The following PTGES variants were observed in gnomAD, a reference collection of about 807,000 sequenced individuals.
PTGES encodes prostaglandin E synthase, also known as MGST1-like 1.
A neutral mutation model predicts 11.8 loss-of-function variants in PTGES; 3 were observed. That is an observed-to-expected ratio of 0.25 (90% CI 0.12 to 0.66). The LOEUF is 0.66. Ranked by LOEUF, PTGES falls within the 30% of genes least tolerant of loss-of-function variation. The pLI, the probability that PTGES is intolerant of heterozygous loss-of-function variation, is 0.82. For synonymous variants in PTGES, 94 were observed against 90.4 expected (o/e 1.04, Z -0.22); for missense variants, 180 against 213.0 (o/e 0.85, Z 0.96).
Position 129,739,724 on chromosome 9 carries a change from C to A in PTGES, c.346G>T (p.Ala116Ser). ...FLVGRVAHTV[A>S]YLGKLRAPIR... ...GGTGCCCGCAGCTTCCCCAGGTAGG[C>A]CACGGTGTGTGCCACACGGCCCACG... The change falls in exon 3 of 3, where the codon GCC (alanine) becomes TCC (serine). Residue 116 changes from alanine (A) to serine (S), a missense_variant. Physicochemically the swap from Ala to Ser is moderately conservative, Grantham distance 99. Transcript: ENST00000340607. This position sits in a 1 kb window ranked among gnomAD's most constrained non-coding sequence, Gnocchi z 5.7. 6.3e-7 allele frequency: 1 copy of A among 1,578,712 alleles called. No homozygotes were observed. The highest frequency in any genetic ancestry group is 2.3e-5 in the East Asian group (1 of 43,088).
At chr9:129,748,937 T>C (rs1435096088) in intron 1 of PTGES, among the ~76,000 whole-genome samples, 200 bp from the exon 2 acceptor site, 1 of 152,156 alleles carries the variant, frequency 6.6e-6, no homozygotes, top group Non-Finnish European at 1.5e-5. Flanking sequence ...GTCTCTGCTT[T>C]TATGAAGCTC....
chr9:129,752,467 T>C (rs971011725), intron 1 of PTGES, among the ~76,000 whole-genome samples: 1 of 151,984 alleles, frequency 6.6e-6, no homozygotes, highest in Non-Finnish European at 1.5e-5. Flanking sequence ...TTGCCAGGAG[T>C]TGGGAATTTC....
rs1833037547 is a variant in PTGES at position 129,745,005 on chromosome 9, G to A, written c.209+3650C>T. Among the ~76,000 whole-genome samples the A allele has an allele frequency of 6.6e-6, 1 of 152,078 alleles. No homozygotes were observed. The highest frequency in any genetic ancestry group is 6.6e-5 in the Admixed American group (1 of 15,264). On this transcript the variant is annotated intron_variant, in intron 2 of 2. Transcript: ENST00000340607. This position sits in a 1 kb window ranked among gnomAD's most constrained non-coding sequence, Gnocchi z 4.2. ...CTCAGGCAAATCTCTCTCACTCTCTGGGACTGCGTTCACTATGTACAAAAT... is the reference window on the plus strand; with the variant it reads ...CTCAGGCAAATCTCTCTCACTCTCTAGGACTGCGTTCACTATGTACAAAAT...
In PTGES at chr9:129,748,693, C is replaced by A; in HGVS notation, c.171G>T (p.Gln57His). The A allele has an allele frequency of 1.3e-6, 2 of 1,587,336 alleles. No individual in the cohort carries two copies. The highest frequency in any genetic ancestry group is 1.7e-6 in the Non-Finnish European group (2 of 1,170,376). The change falls in exon 2 of 3, where the codon CAG becomes CAT. Residue 57 changes from glutamine to histidine, a missense_variant. Physicochemically the swap from Gln to His is conservative, Grantham distance 24. Coordinates refer to ENST00000340607, the MANE Select transcript of PTGES (RefSeq NM_004878.5). ...PEDALRHGGP[Q>H]YCRSDPDVER... is the part of the protein sequence containing the mutation. ...CCACGTCGGGGTCGCTCCTGCAATA[C>A]TGGGGGCCTCCGTGTCTCAGGGCAT...
At chr9:129,750,496 G>A (rs16931445) in intron 1 of PTGES, among the ~76,000 whole-genome samples, 3,607 of 152,276 alleles carry the variant, frequency 0.024, 150 homozygotes, top group African/African-American at 0.081. Flanking sequence ...ACTGCCTTTA[G>A]GAGTCCACTG....
chr9:129,752,645 A>T (rs1216727788), intron 1 of PTGES, among the ~76,000 whole-genome samples: 1 of 152,200 alleles, frequency 6.6e-6, no homozygotes, highest in Non-Finnish European at 1.5e-5. Flanking sequence ...GGCTCTCTCC[A>T]TGCCAAGAAC....
intron 2 of PTGES, among the ~76,000 whole-genome samples, chr9:129,742,133 C>G (rs1485024712): frequency 6.6e-6 from 1 of 151,132 alleles, no homozygotes; most frequent in Admixed American, 6.6e-5. Flanking sequence ...ACCTGGCCAA[C>G]ATGGCAAAAT....
At chr9:129,751,407 G>A (rs1406043833) in intron 1 of PTGES, among the ~76,000 whole-genome samples, 1 of 151,662 alleles carries the variant, frequency 6.6e-6, no homozygotes, top group Non-Finnish European at 1.5e-5. Context: ...AGCCAGGTGC[G>A]GTGGCTCACG....
Position 129,748,701 on chromosome 9 carries a change from C to T in PTGES, c.163G>A (p.Gly55Ser), listed in dbSNP as rs1250858987. 1 of 1,588,054 alleles carries T rather than the reference C, an allele frequency of 6.3e-7. No individual in the cohort carries two copies. Among genetic ancestry groups the T allele is most frequent in the East Asian group, 2.4e-5 (1 of 42,484 alleles). ...ANPEDALRHG[G>S]PQYCRSDPDV... The stretch of plus-strand genomic sequence containing the variant: ...GGGTCGCTCCTGCAATACTGGGGGC[C>T]TCCGTGTCTCAGGGCATCCTCGGGG... Residue 55 changes from glycine to serine, a missense_variant, in exon 2 of 3, where the codon GGC becomes AGC. Transcript: ENST00000340607.
chr9:129,743,269 A>C (rs1833017575), intron 2 of PTGES, among the ~76,000 whole-genome samples: 1 of 152,206 alleles, frequency 6.6e-6, no homozygotes, highest in South Asian at 2.1e-4. Flanking sequence ...CGCAGTGGCC[A>C]GGGACAGGGA....
intron 2 of PTGES, among the ~76,000 whole-genome samples, chr9:129,743,127 G>A (rs1481528575): frequency 1.3e-5 from 2 of 152,220 alleles, no homozygotes; most frequent in Non-Finnish European, 2.9e-5. Context: ...TCCAGCCATT[G>A]GGCAGCAATT....
chr9:129,741,600 G>T (rs1040714830), intron 2 of PTGES, among the ~76,000 whole-genome samples: 8 of 152,182 alleles, frequency 5.3e-5, no homozygotes, highest in Non-Finnish European at 7.3e-5. Flanking sequence ...AGATCCTGGG[G>T]TACTGCCCTC....
chr9:129,746,727 C>G (rs113931867), intron 2 of PTGES, among the ~76,000 whole-genome samples: 2 of 152,178 alleles, frequency 1.3e-5, no homozygotes, highest in Admixed American at 1.3e-4. Flanking sequence ...GTCCAGCTCT[C>G]CGTCCTCCCC....
At chr9:129,749,323 C>T (rs1833079538) in intron 1 of PTGES, among the ~76,000 whole-genome samples, 1 of 151,974 alleles carries the variant, frequency 6.6e-6, no homozygotes, top group African/African-American at 2.4e-5. Context: ...TTGAGACCAA[C>T]CCGGGCAACA....
rs1833044132 is a variant in PTGES at position 129,745,817 on chromosome 9, G to A, written c.209+2838C>T. On this transcript the variant is annotated intron_variant, in intron 2 of 2. Transcript: ENST00000340607. This position sits in a 1 kb window ranked among gnomAD's most constrained non-coding sequence, Gnocchi z 4.2. ...GCCCGAGGCAGGTGGATCACCTGAG[G>A]TCAGGAGTTTGAGACCAGCCTGGCC... Among the ~76,000 whole-genome samples the A allele has an allele frequency of 6.6e-6, 1 of 152,092 alleles. No homozygotes were observed. The highest frequency in any genetic ancestry group is 2.4e-5 in the African/African-American group (1 of 41,390).
intron 2 of PTGES, among the ~76,000 whole-genome samples, chr9:129,742,340 A>C (rs1370873749): frequency 2.7e-5 from 4 of 150,564 alleles, no homozygotes; most frequent in Non-Finnish European, 5.9e-5. Flanking sequence ...AAAAAAAAAA[A>C]AAAAAAAAAA....
intron 1 of PTGES, chr9:129,749,751 A>G (rs1008272453): frequency 6.6e-6 from 1 of 152,432 alleles, no homozygotes; most frequent in Non-Finnish European, 1.5e-5. Context: ...AAGGGACAGC[A>G]CGTGCAAAGG....
At chr9:129,744,965 T>G (rs919778618) in intron 2 of PTGES, among the ~76,000 whole-genome samples, 1 of 152,102 alleles carries the variant, frequency 6.6e-6, no homozygotes, top group Non-Finnish European at 1.5e-5. Context: ...CTGTGGTGCT[T>G]ATTAGCTCCA....
chr9:129,745,197 C>T lies in PTGES; in HGVS notation c.209+3458G>A, dbSNP rs148158524. ...TTTGGGACCACACAGGTAACCCCTC[C>T]GTGCAGTTCCACACACCCAACCTCA... On this transcript the variant is annotated intron_variant, in intron 2 of 2. Transcript: ENST00000340607. This position sits in a 1 kb window ranked among gnomAD's most constrained non-coding sequence, Gnocchi z 4.2. Among the ~76,000 whole-genome samples the T allele has an allele frequency of 2.6e-5, 4 of 152,314 alleles. No individual in the cohort carries two copies. Among genetic ancestry groups the T allele is most frequent in the African/African-American group, 7.2e-5 (3 of 41,568 alleles).
Sources: allele counts gnomAD v4.1 joint callset (sites outside exome capture counted in the v4.1 genomes callset), GRCh38; gene constraint gnomAD v4.1.1; non-coding constraint Gnocchi (gnomAD v3.1); transcripts MANE v1.5; gene names NCBI Gene and HGNC (gene_info 2026-07-23, HGNC 2026-07-21).